ATP6V1H: variants seen among roughly 807,000 people sequenced by gnomAD.
ATP6V1H encodes the protein V-type proton ATPase subunit H.
In ATP6V1H, 39 loss-of-function variants were observed where a neutral mutation model predicts 71.7. The observed-to-expected ratio is 0.54, with a 90% CI of 0.42 to 0.71. The LOEUF (loss-of-function observed/expected upper bound fraction) is 0.71. ATP6V1H is among the 30% of genes least tolerant of loss of function. The pLI is 0.00. For synonymous variants in ATP6V1H, 192 were observed against 199.3 expected, an observed-to-expected ratio of 0.96 and a Z score of 0.31; for missense variants, 509 against 594.9, an observed-to-expected ratio of 0.86 and a Z score of 1.50.
intron 9 of ATP6V1H, among the ~76,000 whole-genome samples, chr8:53,788,415 G>A (rs1030542999): frequency 6.6e-6 from 1 of 152,040 alleles, no homozygotes; most frequent in Admixed American, 6.6e-5. Context: ...ACATATTCAT[G>A]CTGTCTCTTT....
At chr8:53,839,631 T>G (rs772420754) in intron 2 of ATP6V1H, 279 of 985,338 alleles carry the variant, frequency 2.8e-4, no homozygotes, top group Non-Finnish European at 3.2e-4. Context: ...TCACCCTTCA[T>G]GCTGCTAGTA....
At chr8:53,782,482 T>G (rs917576616) in intron 9 of ATP6V1H, among the ~76,000 whole-genome samples, 5 of 152,032 alleles carry the variant, frequency 3.3e-5, no homozygotes, top group African/African-American at 1.2e-4. Flanking sequence ...TCATGTCATC[T>G]GCAAACAGGG....
Position 53,801,881 on chromosome 8 carries a change from G to T in ATP6V1H, c.595C>A (p.Gln199Lys). ...VSSSDSSQYV[Q>K]CVAGCLQLML... ...AGCTGCAAACACCCGGCCACGCACT[G>T]CACATACTGCGAACTCTGCACAAGA... Residue 199 changes from glutamine to lysine, a missense_variant, in exon 8 of 14, where the codon CAG becomes AAG. Transcript: ENST00000359530. 6.2e-7 allele frequency: 1 copy of T among 1,613,714 alleles called. No individual in the cohort carries two copies. The highest frequency in any genetic ancestry group is 8.5e-7 in the Non-Finnish European group (1 of 1,179,830).
At chr8:53,834,616 G>A (rs1360848830) in intron 2 of ATP6V1H, among the ~76,000 whole-genome samples, 4 of 151,918 alleles carry the variant, frequency 2.6e-5, no homozygotes, top group Non-Finnish European at 5.9e-5. Context: ...AGTAGAAACG[G>A]GGTTTCACCA....
chr8:53,819,576 A>G (rs1396473635), intron 4 of ATP6V1H, among the ~76,000 whole-genome samples: 3 of 129,940 alleles, frequency 2.3e-5, no homozygotes, highest in African/African-American at 8.4e-5. Context: ...ATATATATAT[A>G]TATATATATA....
chr8:53,748,866 T>A (rs1244994035), intron 12 of ATP6V1H, among the ~76,000 whole-genome samples: 2 of 152,246 alleles, frequency 1.3e-5, no homozygotes, highest in Non-Finnish European at 2.9e-5. Context: ...GTTTGGTCAA[T>A]AAAAGGTTTG....
At chr8:53,836,724 ACCTAGCACTTACGCAGAGG>A (rs1352213710) in intron 2 of ATP6V1H, among the ~76,000 whole-genome samples, 3 of 152,176 alleles carry the variant, frequency 2.0e-5, no homozygotes, top group African/African-American at 7.2e-5. Flanking sequence ...TGTGAGTTCT[ACCTAGCACTTACGCAGAGG>A]CATTCAGTAA....
In ATP6V1H at chr8:53,814,755, A is replaced by G. The variant is rs755903568; in HGVS notation, c.432T>C (p.Ile144=). Reference sequence around the variant, plus strand: ...TTCCCCAAGCTGCTAACTTGGCAATAATTCTTGCTGCCTGAAAACAAATAA... The same window carrying G: ...TTCCCCAAGCTGCTAACTTGGCAATGATTCTTGCTGCCTGAAAACAAATAA... ...DPFTVHMAAR[I]IAKLAAWGKE... Residue 144 remains isoleucine (I), a synonymous_variant, in exon 6 of 14, where the codon ATT becomes ATC. Coordinates refer to ENST00000359530, the MANE Select transcript of ATP6V1H (RefSeq NM_015941.4). The G allele has an allele frequency of 4.3e-6, 7 of 1,610,780 alleles. No homozygotes were observed. The highest frequency in any genetic ancestry group is 5.9e-6 in the Non-Finnish European group (7 of 1,177,878).
chr8:53,817,032 A>G (rs940422155), intron 5 of ATP6V1H, among the ~76,000 whole-genome samples: 1 of 151,572 alleles, frequency 6.6e-6, no homozygotes, highest in Non-Finnish European at 1.5e-5. Context: ...TCTCCTTCCA[A>G]CTCCCAATGT....
At chr8:53,773,146 G>A (rs1448979964) in intron 9 of ATP6V1H, among the ~76,000 whole-genome samples, 1 of 152,006 alleles carries the variant, frequency 6.6e-6, no homozygotes, top group Non-Finnish European at 1.5e-5. Flanking sequence ...TATCACAAGT[G>A]CTTGGCTCAG....
At chr8:53,773,714 C>T (rs1808760163) in intron 9 of ATP6V1H, among the ~76,000 whole-genome samples, 2 of 152,046 alleles carry the variant, frequency 1.3e-5, no homozygotes, top group Admixed American at 1.3e-4. Flanking sequence ...GAATACAGCT[C>T]CAGAATGAAC....
intron 13 of ATP6V1H, among the ~76,000 whole-genome samples, chr8:53,717,541 C>T (rs751387134): frequency 1.1e-4 from 16 of 152,184 alleles, no homozygotes; most frequent in Non-Finnish European, 2.2e-4. Context: ...CCAGGAACTA[C>T]GCTGACATAA....
chr8:53,803,316 G>A (rs1349785643), intron 7 of ATP6V1H, among the ~76,000 whole-genome samples: 1 of 151,840 alleles, frequency 6.6e-6, no homozygotes, highest in African/African-American at 2.4e-5. Context: ...TAGCCTGGGT[G>A]ACAGAGTGAG....
intron 8 of ATP6V1H, among the ~76,000 whole-genome samples, chr8:53,799,052 G>C (rs1563472068): frequency 6.6e-6 from 1 of 152,042 alleles, no homozygotes; most frequent in Non-Finnish European, 1.5e-5. Flanking sequence ...GCTATTTCAT[G>C]ACTTTGATTC....
At chr8:53,797,297 T>A (rs1314528198) in intron 8 of ATP6V1H, among the ~76,000 whole-genome samples, 1 of 152,252 alleles carries the variant, frequency 6.6e-6, no homozygotes, top group Non-Finnish European at 1.5e-5. Context: ...TTCCTGATCC[T>A]GAGAGCATTA....
intron 13 of ATP6V1H, among the ~76,000 whole-genome samples, chr8:53,726,000 ACT>A (rs1458278507): frequency 1.3e-5 from 2 of 152,104 alleles, no homozygotes; most frequent in Admixed American, 6.5e-5. Flanking sequence ...ATAAATCAAA[ACT>A]CTGTTTTAAA....
intron 13 of ATP6V1H, among the ~76,000 whole-genome samples, chr8:53,738,210 T>C (rs770723047): frequency 5.9e-5 from 9 of 151,742 alleles, no homozygotes; most frequent in African/African-American, 1.9e-4. Context: ...GGCAGGAGAA[T>C]TGCCTGAACC....
chr8:53,725,382 A>C (rs756076777), intron 13 of ATP6V1H, among the ~76,000 whole-genome samples: 1 of 152,092 alleles, frequency 6.6e-6, no homozygotes, highest in South Asian at 2.1e-4. Context: ...CTCAAACTCC[A>C]TAACTGTAAG....
intron 11 of ATP6V1H, among the ~76,000 whole-genome samples, chr8:53,757,012 C>G (rs776160030): frequency 2.0e-5 from 3 of 152,194 alleles, no homozygotes; most frequent in Non-Finnish European, 4.4e-5. Context: ...CCTACTGGTA[C>G]TACTGGGACA....
Sources: gnomAD v4.1 joint callset for allele counts (sites outside exome capture counted in the v4.1 genomes callset) on GRCh38, gnomAD v4.1.1 for gene constraint, MANE v1.5 for transcripts, NCBI Gene and HGNC (gene_info 2026-07-23, HGNC 2026-07-21) for gene names.